The following NEK10 variants were observed in gnomAD, a reference collection of about 807,000 sequenced individuals.
NEK10 encodes the protein NIMA related kinase 10.
In NEK10, 122 loss-of-function variants were observed where a neutral mutation model predicts 159.8. The ratio of observed to expected loss-of-function variants is 0.76; its 90% CI spans 0.66 to 0.89. NEK10 has a LOEUF of 0.89. NEK10 is among the 40% of genes least tolerant of loss of function. The pLI is 0.00. For synonymous variants in NEK10, 466 were observed against 457.1 expected, an observed-to-expected ratio of 1.02 and a Z score of -0.25; for missense variants, 1,342 against 1,323.1, an observed-to-expected ratio of 1.01 and a Z score of -0.22.
At chr3:27,162,608 A>C in intron 30 of NEK10, 93 bp downstream of exon 30, 1 of 1,614,084 alleles carries the variant, frequency 6.2e-7, no homozygotes. Context: ...AAAGCTGAAG[A>C]AATAAAAGGG....
intron 12 of NEK10, among the ~76,000 whole-genome samples, 186 bp downstream of exon 12, chr3:27,304,561 G>T (rs2044087488): frequency 6.6e-6 from 1 of 152,148 alleles, no homozygotes; most frequent in African/African-American, 2.4e-5. Flanking sequence ...TTTAAAAGAT[G>T]AATGCCCCTG....
At chr3:27,143,694 C>T (rs1233662797) in intron 30 of NEK10, among the ~76,000 whole-genome samples, 3 of 152,034 alleles carry the variant, frequency 2.0e-5, no homozygotes, top group Non-Finnish European at 4.4e-5. Flanking sequence ...AACAAGCAAG[C>T]AAACAAACAA....
intron 29 of NEK10, among the ~76,000 whole-genome samples, chr3:27,168,253 T>C (rs1408834487): frequency 7.0e-6 from 1 of 142,134 alleles, no homozygotes; most frequent in Non-Finnish European, 1.6e-5. Flanking sequence ...TGGCACAGAA[T>C]AGGAAAAAAA....
intron 23 of NEK10, chr3:27,214,925 G>T: frequency 9.9e-7 from 1 of 1,005,572 alleles, no homozygotes; most frequent in Non-Finnish European, 1.6e-6. Flanking sequence ...TTTAAAGAAG[G>T]TGAGAAGACA....
chr3:27,315,108 T>G (rs2045050902), intron 6 of NEK10, among the ~76,000 whole-genome samples: 1 of 152,252 alleles, frequency 6.6e-6, no homozygotes, highest in Non-Finnish European at 1.5e-5. Flanking sequence ...TTGTCATTTA[T>G]CTATAGACAA....
chr3:27,122,301 GGC>G (rs1017916934), intron 32 of NEK10, among the ~76,000 whole-genome samples: 4 of 152,140 alleles, frequency 2.6e-5, no homozygotes, highest in Admixed American at 2.6e-4. Context: ...AGTTTCCTGA[GGC>G]CTCCCCAGCC....
At chr3:27,309,813 A>T (rs1197785168) in intron 9 of NEK10, 1 of 152,206 alleles carries the variant, frequency 6.6e-6, no homozygotes, top group Non-Finnish European at 1.5e-5. Context: ...TATGAATACT[A>T]TCGAGCATTC....
At chr3:27,294,591 C>T (rs1159490734) in intron 15 of NEK10, among the ~76,000 whole-genome samples, 1 of 152,166 alleles carries the variant, frequency 6.6e-6, no homozygotes, top group Non-Finnish European at 1.5e-5. Context: ...CTGTGATGCA[C>T]TGAAGAAATC....
chr3:27,237,537 C>T (rs993419888), intron 23 of NEK10, among the ~76,000 whole-genome samples: 25 of 152,120 alleles, frequency 1.6e-4, no homozygotes, highest in Admixed American at 3.3e-4. Flanking sequence ...CCGGTCCCTC[C>T]GTTCGGGGTC....
At chr3:27,217,855 GAT>G (rs1951688505) in intron 23 of NEK10, among the ~76,000 whole-genome samples, 1 of 152,082 alleles carries the variant, frequency 6.6e-6, no homozygotes, top group South Asian at 2.1e-4. Context: ...TGAAACCAAA[GAT>G]AGTACCAAAC....
rs879451959 is a variant in NEK10 at position 27,120,327 on chromosome 3, CT to C, written c.3082-460del. ...GAAAGTAAGTTTCTTTTTCTTTTTT[CT>C]TTTTTTTTTTTCTGCAACAGTGTCT... On this transcript the variant is annotated intron_variant, in intron 32 of 35. Coordinates refer to ENST00000691995, the MANE Select transcript of NEK10 (RefSeq NM_001394966.1). 3.0e-3 allele frequency among the ~76,000 whole-genome samples: 428 copies of C among 142,248 alleles called. 2 individuals are homozygous for C. Among genetic ancestry groups the C allele is most frequent in the African/African-American group, 9.1e-3 (355 of 38,976 alleles). 93.3% of individuals were successfully genotyped at this position (142,248 alleles called of 152,430 possible).
intron 31 of NEK10, among the ~76,000 whole-genome samples, chr3:27,136,620 A>C (rs954193624): frequency 3.7e-4 from 56 of 152,198 alleles, no homozygotes; most frequent in African/African-American, 1.3e-3. Context: ...TTGGGGTTCC[A>C]GCAATAGAAG....
chr3:27,207,334 A>G lies in NEK10; in HGVS notation c.2091-4777T>C, dbSNP rs372538879. ...AGGGCACAGGTATGAGAAATTGAAGAAGAAATTAAAACCTTAAGAGAAATT... is the reference window on the plus strand; with the variant it reads ...AGGGCACAGGTATGAGAAATTGAAGGAGAAATTAAAACCTTAAGAGAAATT... On this transcript the variant is annotated intron_variant, in intron 23 of 35. Transcript: ENST00000691995. Among the ~76,000 whole-genome samples the G allele has an allele frequency of 1.1e-4, 17 of 152,332 alleles. No individual in the cohort carries two copies. The East Asian group carries it at 2.7e-3, about 24-fold the overall frequency.
chr3:27,135,826 T>C (rs1181654693), intron 31 of NEK10, among the ~76,000 whole-genome samples: 2 of 152,194 alleles, frequency 1.3e-5, no homozygotes, highest in African/African-American at 4.8e-5. Context: ...AATACAACTT[T>C]ATCCTAAATA....
At chr3:27,218,693 G>T (rs937197196) in intron 23 of NEK10, among the ~76,000 whole-genome samples, 4 of 107,166 alleles carry the variant, frequency 3.7e-5, no homozygotes, top group African/African-American at 1.4e-4. Context: ...CTTAAAATAC[G>T]AAAATCAATC....
chr3:27,318,868 A>G (rs1039441717), intron 6 of NEK10, among the ~76,000 whole-genome samples: 7 of 152,352 alleles, frequency 4.6e-5, no homozygotes, highest in Non-Finnish European at 8.8e-5. Context: ...AGCAACAACA[A>G]AAAGATAGTT....
chr3:27,224,715 A>T (rs1037622339), intron 23 of NEK10, among the ~76,000 whole-genome samples: 9 of 152,130 alleles, frequency 5.9e-5, no homozygotes, highest in African/African-American at 9.7e-5. Context: ...CTCCTCTCCA[A>T]TAAAAAGCTC....
chr3:27,172,331 C>T (rs9818903), intron 28 of NEK10, among the ~76,000 whole-genome samples: 717 of 54,630 alleles, frequency 0.013, 7 homozygotes, highest in African/African-American at 0.09. Context: ...GAGACCCCGT[C>T]TCAAAAAAAA....
intron 26 of NEK10, among the ~76,000 whole-genome samples, chr3:27,183,414 AG>A (rs1365908452): frequency 1.3e-5 from 2 of 151,466 alleles, no homozygotes; most frequent in African/African-American, 4.8e-5. Context: ...AAAACCAAAA[AG>A]TCAATCTCCT....
Sources: allele counts gnomAD v4.1 joint callset (sites outside exome capture counted in the v4.1 genomes callset), GRCh38; gene constraint gnomAD v4.1.1; transcripts MANE v1.5; gene names NCBI Gene and HGNC (gene_info 2026-07-23, HGNC 2026-07-21).